The following HOXC5 variants were observed in gnomAD, a reference collection of about 807,000 sequenced individuals.
HOXC5 encodes homeobox C5, also known as homeobox protein Hox-C5.
HOXC5 carries 19 observed loss-of-function variants against 20.1 expected under a neutral mutation model. The observed-to-expected ratio is 0.94, with a 90% CI of 0.66 to 1.38. The LOEUF is 1.38. HOXC5 is among the 40% of genes most tolerant of loss of function. The probability of loss-of-function intolerance (pLI) is 0.00; values close to 1 mark genes in which losing one functional copy is unlikely to be tolerated. For synonymous variants in HOXC5, 124 were observed against 117.0 expected, an observed-to-expected ratio of 1.06 and a Z score of -0.39; for missense variants, 330 against 300.1, an observed-to-expected ratio of 1.10 and a Z score of -0.74.
chr12:54,030,849 G>A (rs990083794), upstream of HOXC5: 1 of 152,164 alleles, frequency 6.6e-6, no homozygotes, highest in African/African-American at 2.4e-5. Context: ...TAATTCGCTC[G>A]CCCGCCGGCC....
chr12:54,024,937 C>A, the HOXC5 span, among the ~76,000 whole-genome samples: 1 of 152,174 alleles, frequency 6.6e-6, no homozygotes, highest in Non-Finnish European at 1.5e-5. Context: ...GCAATTTTTC[C>A]CTTGTATTCT....
rs1941123129 is a variant in HOXC5 at position 54,034,399 on chromosome 12, G to C, written c.576G>C (p.Leu192Phe). The C allele has an allele frequency of 6.2e-7, 1 of 1,614,028 alleles. No individual in the cohort carries two copies. Among genetic ancestry groups the C allele is most frequent in the South Asian group, 1.1e-5 (1 of 91,090 alleles). Residue 192 changes from leucine to phenylalanine, a missense_variant, in exon 2 of 2, where the codon TTG (leucine) becomes TTC (phenylalanine). By Grantham distance (22) the Leu-to-Phe change is conservative. Transcript: ENST00000312492. ...RRRRIEIANN[L>F]CLNERQIKIW... ...GGCGCATAGAGATCGCCAACAACTT[G>C]TGTCTCAATGAGAGACAGATCAAGA...
At chr12:54,018,033 G>T in the HOXC5 span, among the ~76,000 whole-genome samples, 7 of 152,210 alleles carry the variant, frequency 4.6e-5, no homozygotes, top group African/African-American at 1.2e-4. Flanking sequence ...TGGCAATTAG[G>T]GGGGAGGCTG....
chr12:54,028,851 G>T, upstream of HOXC5: 1 of 1,614,112 alleles, frequency 6.2e-7, no homozygotes, highest in Non-Finnish European at 8.5e-7. Context: ...AGCAGGGCAG[G>T]ACTGCGCCCC....
chr12:54,034,031 T>TC (rs750916274), intron 1 of HOXC5: 1 of 688,284 alleles, frequency 1.5e-6, no homozygotes. Flanking sequence ...GTCTCCCTCT[T>TC]CCCCCCAACC....
At chr12:54,026,540 AG>A in the HOXC5 span, among the ~76,000 whole-genome samples, 1 of 152,204 alleles carries the variant, frequency 6.6e-6, no homozygotes, top group African/African-American at 2.4e-5. Context: ...GTGATCTAGA[AG>A]GAGGAACCTT....
intron 1 of HOXC5, chr12:54,033,857 G>A: frequency 1.9e-6 from 1 of 521,670 alleles, no homozygotes; most frequent in Non-Finnish European, 3.5e-6. Context: ...AGGAGCGCGG[G>A]GCTCCAGAGC....
At chr12:54,025,642 A>G in the HOXC5 span, among the ~76,000 whole-genome samples, 2 of 150,694 alleles carry the variant, frequency 1.3e-5, no homozygotes, top group East Asian at 3.9e-4. Context: ...TGCCTTTTTC[A>G]CCCAGCAGCT....
chr12:54,035,020 A>C lies in HOXC5; in HGVS notation c.*528A>C, dbSNP rs145357528. 1.2e-5 allele frequency: 2 copies of C among 164,286 alleles called. No homozygotes were observed. Among genetic ancestry groups the C allele is most frequent in the East Asian group, 3.3e-4 (2 of 6,132 alleles). 10.2% of individuals were successfully genotyped at this position (164,286 alleles called of 1,614,324 possible). ...AGATTTTCACTTATGAATGATTTGCATATGAAAGGAGAGCATCGGCCTAGG... is the reference window on the plus strand; with the variant it reads ...AGATTTTCACTTATGAATGATTTGCCTATGAAAGGAGAGCATCGGCCTAGG... On this transcript the variant is annotated 3_prime_UTR_variant, in exon 2 of 2. Coordinates refer to ENST00000312492, the MANE Select transcript of HOXC5 (RefSeq NM_018953.4).
intron 1 of HOXC5, chr12:54,034,037 C>T: frequency 1.4e-6 from 1 of 695,604 alleles, no homozygotes; most frequent in Admixed American, 2.0e-5. Flanking sequence ...CTCTTCCCCC[C>T]AACCCCCCCT....
At chr12:54,017,045 G>A in the HOXC5 span, 11 of 152,046 alleles carry the variant, frequency 7.2e-5, no homozygotes, top group African/African-American at 2.7e-4. Flanking sequence ...CGAAGCTGGG[G>A]GCAGCTGGGG....
upstream of HOXC5, chr12:54,032,923 G>A: frequency 1.9e-6 from 1 of 529,140 alleles, no homozygotes; most frequent in South Asian, 2.8e-5. Context: ...AGGTCATCAA[G>A]CCAAATTTAT....
At chr12:54,033,925 T>G in intron 1 of HOXC5, 1 of 399,188 alleles carries the variant, frequency 2.5e-6, no homozygotes. Context: ...CCGCCGGCGC[T>G]TGCGGCTCCG....
upstream of HOXC5, chr12:54,029,910 G>A (rs758850699): frequency 8.1e-6 from 13 of 1,607,486 alleles, no homozygotes; most frequent in African/African-American, 1.3e-5. Flanking sequence ...GACAGCCTGG[G>A]CGGAAAAGAG....
At chr12:54,033,735 C>T (rs577917560) in intron 1 of HOXC5, among the ~76,000 whole-genome samples, 159 bp downstream of exon 1, 1 of 152,300 alleles carries the variant, frequency 6.6e-6, no homozygotes, top group East Asian at 1.9e-4. Context: ...CTGTGTGCGC[C>T]CAAATTTACG....
upstream of HOXC5, chr12:54,028,920 T>C: frequency 2.5e-6 from 4 of 1,606,026 alleles, no homozygotes; most frequent in Non-Finnish European, 3.4e-6. Context: ...ATTCGCACAG[T>C]GGTGAGTTTT....
upstream of HOXC5, chr12:54,028,500 C>G: frequency 6.2e-7 from 1 of 1,607,594 alleles, no homozygotes; most frequent in South Asian, 1.1e-5. Context: ...AAATCATAGA[C>G]CGACCAGGTA....
At position 54,033,547 on chromosome 12, in the gene HOXC5, C is replaced by T. The variant is rs1436158741; in HGVS notation, c.425C>T (p.Pro142Leu). 1.0e-5 allele frequency: 16 copies of T among 1,596,280 alleles called. No homozygotes were observed. Among genetic ancestry groups the T allele is most frequent in the Admixed American group, 1.7e-5 (1 of 59,164 alleles). Residue 142 changes from proline to leucine, a missense_variant, in exon 1 of 2, where the codon CCG becomes CTG. By Grantham distance (98) the Pro-to-Leu change is moderately conservative. Coordinates refer to ENST00000312492, the MANE Select transcript of HOXC5 (RefSeq NM_018953.4). ...SQPPAPPQIY[P>L]WMTKLHMSHE... Reference sequence around the variant, plus strand: ...CCACCGGCCCCGCCACAGATTTACCCGTGGATGACCAAACTGCACATGAGC... The same window carrying T: ...CCACCGGCCCCGCCACAGATTTACCTGTGGATGACCAAACTGCACATGAGC...
At chr12:54,028,996 G>A (rs1940859587), upstream of HOXC5, 2 of 1,434,266 alleles carry the variant, frequency 1.4e-6, no homozygotes. Flanking sequence ...AGAAGAACGG[G>A]CGGAGAGAGT....
Sources: allele counts gnomAD v4.1 joint callset (sites outside exome capture counted in the v4.1 genomes callset), GRCh38; gene constraint gnomAD v4.1.1; transcripts MANE v1.5; gene names NCBI Gene and HGNC (gene_info 2026-07-23, HGNC 2026-07-21).